PRKG1: variants seen among roughly 807,000 people sequenced by gnomAD.
PRKG1 encodes cGMP-dependent protein kinase 1.
Under a neutral mutation model 88.1 loss-of-function variants are expected in PRKG1, and 35 were observed. The ratio of observed to expected loss-of-function variants is 0.40; its 90% CI spans 0.30 to 0.53. The LOEUF is 0.53. PRKG1 is among the 20% of genes least tolerant of loss of function. The pLI is 0.59. For missense variants in PRKG1, 540 were observed against 839.8 expected, an observed-to-expected ratio of 0.64 and a Z score of 4.41; for synonymous variants, 303 against 292.5, an observed-to-expected ratio of 1.04 and a Z score of -0.37.
At chr10:51,116,721 T>C (rs1365291818) in intron 1 of PRKG1, among the ~76,000 whole-genome samples, 1 of 152,032 alleles carries the variant, frequency 6.6e-6, no homozygotes, top group Non-Finnish European at 1.5e-5. Flanking sequence ...GAGTTCAAGA[T>C]GTAGTTAATA....
At chr10:51,717,152 T>A (rs1439996297) in intron 3 of PRKG1, among the ~76,000 whole-genome samples, 1 of 152,126 alleles carries the variant, frequency 6.6e-6, no homozygotes, top group East Asian at 1.9e-4. Flanking sequence ...CGTACCCAGG[T>A]CTGAAAATAG....
chr10:51,078,857 C>T (rs145623695), intron 1 of PRKG1, among the ~76,000 whole-genome samples: 2,449 of 152,122 alleles, frequency 0.016, 129 homozygotes, highest in Admixed American at 0.11. Context: ...ACCTCATGAT[C>T]CGCCTGCCTT....
intron 3 of PRKG1, among the ~76,000 whole-genome samples, chr10:51,634,711 G>C (rs1455840128): frequency 3.3e-5 from 5 of 152,026 alleles, no homozygotes; most frequent in Non-Finnish European, 7.4e-5. Flanking sequence ...ATGTTCAAGA[G>C]GCTATCAGAA....
At chr10:52,156,263 G>A (rs1838093816) in intron 8 of PRKG1, among the ~76,000 whole-genome samples, 1 of 151,850 alleles carries the variant, frequency 6.6e-6, no homozygotes, top group African/African-American at 2.4e-5. Flanking sequence ...ATTACTATCT[G>A]ATATGATTTT....
At chr10:51,450,850 TA>T (rs78144019) in intron 2 of PRKG1, among the ~76,000 whole-genome samples, 3,018 of 138,034 alleles carry the variant, frequency 0.022, 50 homozygotes, top group Admixed American at 0.036. Flanking sequence ...TAACAAAAAT[TA>T]AAAAAAAAAA....
chr10:51,784,282 G>A (rs1303124079), intron 3 of PRKG1, among the ~76,000 whole-genome samples: 9 of 152,128 alleles, frequency 5.9e-5, no homozygotes, highest in South Asian at 2.1e-4. Context: ...TGTGTCTAGC[G>A]TGGAGATGAG....
chr10:51,922,729 A>G (rs1842488582), intron 5 of PRKG1, among the ~76,000 whole-genome samples: 1 of 151,932 alleles, frequency 6.6e-6, no homozygotes, highest in African/African-American at 2.4e-5. Flanking sequence ...ATTGATTTCT[A>G]ATTTAATTTA....
At chr10:52,030,396 T>G (rs1375515121) in intron 5 of PRKG1, among the ~76,000 whole-genome samples, 2 of 152,218 alleles carry the variant, frequency 1.3e-5, no homozygotes, top group Non-Finnish European at 2.9e-5. Flanking sequence ...GCAAAGCACT[T>G]TTATTTTAAA....
intron 2 of PRKG1, among the ~76,000 whole-genome samples, chr10:51,321,170 G>C (rs889668565): frequency 3.3e-5 from 5 of 152,140 alleles, no homozygotes; most frequent in Non-Finnish European, 5.9e-5. Context: ...GTTAGTATTA[G>C]TGTGGTCTTT....
At chr10:51,840,398 T>C (rs16923968) in intron 4 of PRKG1, among the ~76,000 whole-genome samples, 4,393 of 152,218 alleles carry the variant, frequency 0.029, 198 homozygotes, top group African/African-American at 0.099. Flanking sequence ...CTTTTTATTC[T>C]GATACTTTTT....
At chr10:51,661,351 A>G (rs539104619) in intron 3 of PRKG1, among the ~76,000 whole-genome samples, 116 of 152,256 alleles carry the variant, frequency 7.6e-4, no homozygotes, top group Middle Eastern at 3.4e-3. Context: ...ACCCCTTTTT[A>G]ATACATTGGA....
intron 2 of PRKG1, among the ~76,000 whole-genome samples, chr10:51,268,581 A>G (rs1461815031): frequency 6.6e-6 from 1 of 152,172 alleles, no homozygotes; most frequent in Non-Finnish European, 1.5e-5. Context: ...GTCAGAGTTT[A>G]TAAGGTTATC....
intron 3 of PRKG1, among the ~76,000 whole-genome samples, chr10:51,584,157 T>C (rs1186970087): frequency 2.0e-5 from 3 of 152,248 alleles, no homozygotes; most frequent in East Asian, 3.9e-4. Context: ...AATAACTCTG[T>C]TGAACCTCAG....
intron 2 of PRKG1, among the ~76,000 whole-genome samples, chr10:51,211,476 C>A (rs555557862): frequency 0.02 from 3,036 of 152,130 alleles, 45 homozygotes; most frequent in Middle Eastern, 0.051. Context: ...GGCAGTCAGG[C>A]AGGAGAAGGG....
At chr10:51,697,496 C>G in intron 3 of PRKG1, 4 of 585,816 alleles carry the variant, frequency 6.8e-6, no homozygotes, top group Non-Finnish European at 1.2e-5. Context: ...TTAAAGTGAA[C>G]AGACGCACTC....
At chr10:52,157,309 A>ATATATG (rs1838141048) in intron 8 of PRKG1, among the ~76,000 whole-genome samples, 1 of 41,366 alleles carries the variant, frequency 2.4e-5, no homozygotes, top group African/African-American at 1.3e-4. Context: ...GTTAGTTGAT[A>ATATATG]TATATATATA....
chr10:51,453,424 T>G (rs1291754354), intron 2 of PRKG1, among the ~76,000 whole-genome samples: 1 of 152,036 alleles, frequency 6.6e-6, no homozygotes, highest in Non-Finnish European at 1.5e-5. Context: ...TTGTGCTCTT[T>G]CAGACTTTTT....
Position 51,093,799 on chromosome 10 carries a change from TATACAC to T in PRKG1, c.311+18900_311+18905del, listed in dbSNP as rs1304909159. Among the ~76,000 whole-genome samples the T allele has an allele frequency of 6.1e-4, 78 of 127,768 alleles. 1 individual carries two copies. The South Asian group carries it at 0.01, about 17-fold the overall frequency. 83.8% of individuals were successfully genotyped at this position (127,768 alleles called of 152,430 possible). A position where few individuals can be genotyped will look rare whatever the true frequency, so the allele number is the denominator to read the frequency against. On this transcript the variant is annotated intron_variant, in intron 1 of 17. Transcript: ENST00000373980. ...CATATATATGTATTTTATATATATATATACACACACACACACACACACACACACACA... is the reference window on the plus strand; with the variant it reads ...CATATATATGTATTTTATATATATATACACACACACACACACACACACACA...
At chr10:51,997,735 A>AT (rs1410558837) in intron 5 of PRKG1, among the ~76,000 whole-genome samples, 2 of 152,010 alleles carry the variant, frequency 1.3e-5, no homozygotes, top group Admixed American at 6.6e-5. Context: ...TTGTTGGTGT[A>AT]TTTTTTTGGG....
Sources: gnomAD v4.1 joint callset for allele counts (sites outside exome capture counted in the v4.1 genomes callset) on GRCh38, gnomAD v4.1.1 for gene constraint, MANE v1.5 for transcripts, NCBI Gene and HGNC (gene_info 2026-07-23, HGNC 2026-07-21) for gene names.